Variants in DPP6 observed in about 807,000 individuals in gnomAD.
DPP6 encodes dipeptidyl peptidase like 6.
A neutral mutation model predicts 122.6 loss-of-function variants in DPP6; 69 were observed. That is an observed-to-expected ratio of 0.56 (90% confidence interval 0.46 to 0.69). The LOEUF (loss-of-function observed/expected upper bound fraction) is 0.69, where lower values mean the gene tolerates loss of function less well. DPP6 is among the 30% of genes least tolerant of loss of function. DPP6 has a pLI of 0.00. For missense variants in DPP6, 928 were observed against 1,116.9 expected, an observed-to-expected ratio of 0.83 and a Z score of 2.41; for synonymous variants, 418 against 433.1, an observed-to-expected ratio of 0.97 and a Z score of 0.43.
At chr7:154,756,199 G>T (rs1380578783) in intron 8 of DPP6, among the ~76,000 whole-genome samples, 2 of 152,118 alleles carry the variant, frequency 1.3e-5, no homozygotes, top group East Asian at 3.9e-4. Flanking sequence ...GTCAGTAGAA[G>T]CCCTGAGATG....
chr7:154,740,673 T>C (rs530489312), intron 8 of DPP6, among the ~76,000 whole-genome samples: 2 of 152,106 alleles, frequency 1.3e-5, no homozygotes, highest in South Asian at 4.1e-4. Context: ...CACAAGGAAA[T>C]AGTTAACAAT....
Position 154,875,118 on chromosome 7 carries a change from GAAGAA to G in DPP6, c.1884-776_1884-772del, listed in dbSNP as rs1165358623. On this transcript the variant is annotated intron_variant, in intron 19 of 25. Coordinates refer to ENST00000377770, the MANE Select transcript of DPP6 (RefSeq NM_130797.4). This position sits in a 1 kb window ranked among gnomAD's most constrained non-coding sequence, Gnocchi z 4.5. Reference sequence around the variant, plus strand: ...CTGTCTCAAACAAAAGAAAAAAAAAGAAGAAAAGAAAAGAAAGAGAGAGAGAGAAG... The same window carrying G: ...CTGTCTCAAACAAAAGAAAAAAAAAGAAGAAAAGAAAGAGAGAGAGAGAAG... Among the ~76,000 whole-genome samples the G allele has an allele frequency of 1.0e-4, 15 of 146,918 alleles. No homozygotes were observed. The highest frequency in any genetic ancestry group is 2.2e-4 in the African/African-American group (9 of 40,034).
intron 1 of DPP6, among the ~76,000 whole-genome samples, chr7:153,960,408 G>T (rs531630652): frequency 6.6e-6 from 1 of 152,134 alleles, no homozygotes; most frequent in South Asian, 2.1e-4. Flanking sequence ...CTTAATAGCC[G>T]CACCCCAAGT....
chr7:153,986,021 A>G (rs1563075988), intron 1 of DPP6, among the ~76,000 whole-genome samples: 1 of 152,196 alleles, frequency 6.6e-6, no homozygotes, highest in South Asian at 2.1e-4. Context: ...CAGAGAGAGA[A>G]AGGGAGAAAA....
the DPP6 span, among the ~76,000 whole-genome samples, chr7:153,805,262 A>G: frequency 2.4e-4 from 36 of 152,342 alleles, 1 homozygote; most frequent in South Asian, 6.6e-3. Context: ...TTGATAAAAT[A>G]TAGTATATGA....
chr7:154,691,107 T>C (rs760547009), intron 7 of DPP6, among the ~76,000 whole-genome samples: 38 of 152,220 alleles, frequency 2.5e-4, no homozygotes, highest in Non-Finnish European at 4.7e-4. Context: ...TTGCTGGAAC[T>C]GTTTTTCTCC....
Position 154,060,466 on chromosome 7 carries a change from G to A in DPP6, c.243+7403G>A, listed in dbSNP as rs1202147576. 1.5e-4 allele frequency among the ~76,000 whole-genome samples: 21 copies of A among 138,834 alleles called. 2 individuals are homozygous for A. The highest frequency in any genetic ancestry group is 1.0e-3 in the Admixed American group (15 of 14,388). 91.1% of individuals were successfully genotyped at this position (138,834 alleles called of 152,430 possible). On this transcript the variant is annotated intron_variant, in intron 1 of 25. Transcript: ENST00000377770. ...GCGAGCCAGACCCTCTTCCCCCTCT[G>A]GCTTAGGACCTCCATCGTTGATCCT...
chr7:153,869,409 G>A, the DPP6 span, among the ~76,000 whole-genome samples: 3 of 152,114 alleles, frequency 2.0e-5, no homozygotes, highest in Non-Finnish European at 4.4e-5. Flanking sequence ...TTATGTAATG[G>A]CCTTGTTTGT....
intron 1 of DPP6, among the ~76,000 whole-genome samples, chr7:154,012,802 C>T (rs1472592852): frequency 6.6e-6 from 1 of 152,100 alleles, no homozygotes; most frequent in Non-Finnish European, 1.5e-5. Context: ...TTTTATGTGT[C>T]TAATAACTTT....
chr7:154,644,920 A>G (rs1258077785), intron 6 of DPP6, among the ~76,000 whole-genome samples: 4 of 152,052 alleles, frequency 2.6e-5, no homozygotes, highest in African/African-American at 9.7e-5. Flanking sequence ...TGTCTTGCTC[A>G]GGGTAGTCTC....
the DPP6 span, among the ~76,000 whole-genome samples, chr7:153,864,216 G>T: frequency 1.9e-4 from 29 of 152,224 alleles, no homozygotes; most frequent in African/African-American, 6.0e-4. Context: ...GTATGGGTTC[G>T]AATTTCTCCA....
intron 1 of DPP6, among the ~76,000 whole-genome samples, chr7:154,061,852 G>T (rs1274932040): frequency 1.6e-5 from 2 of 124,282 alleles, no homozygotes; most frequent in Admixed American, 7.9e-5. Flanking sequence ...GATCCCCATC[G>T]CTGGGGGCGG....
chr7:153,971,950 C>A (rs1043417177), intron 1 of DPP6, among the ~76,000 whole-genome samples: 9 of 147,848 alleles, frequency 6.1e-5, no homozygotes, highest in African/African-American at 2.3e-4. Context: ...GAGCTGGGGC[C>A]CTCGTAAGCT....
At position 154,760,979 on chromosome 7, in the gene DPP6, C is replaced by T. The variant is rs141434389; in HGVS notation, c.884-8438C>T. ...CCTCCCGGATAGCTGGGACTACAGG[C>T]GCCTGCCACCATGCCCGGCTAATTT... On this transcript the variant is annotated intron_variant, in intron 8 of 25. Coordinates refer to ENST00000377770, the MANE Select transcript of DPP6 (RefSeq NM_130797.4). This position sits in a 1 kb window ranked among gnomAD's most constrained non-coding sequence, Gnocchi z 4.5. Among the ~76,000 whole-genome samples, 182 of 151,972 alleles carry T rather than the reference C, an allele frequency of 1.2e-3. No individual in the cohort carries two copies. The highest frequency in any genetic ancestry group is 2.0e-3 in the Admixed American group (31 of 15,266).
the DPP6 span, among the ~76,000 whole-genome samples, chr7:153,799,849 C>T: frequency 6.6e-6 from 1 of 152,086 alleles, no homozygotes; most frequent in Non-Finnish European, 1.5e-5. Flanking sequence ...CTGTATGAAA[C>T]AGATCAAAAG....
chr7:154,258,231 G>C (rs2150908991), intron 1 of DPP6, among the ~76,000 whole-genome samples: 1 of 152,244 alleles, frequency 6.6e-6, no homozygotes, highest in South Asian at 2.1e-4. Context: ...GACTCTTCCA[G>C]ATTCTAAGTA....
intron 1 of DPP6, among the ~76,000 whole-genome samples, chr7:154,273,336 C>T (rs550370652): frequency 2.0e-5 from 3 of 152,298 alleles, no homozygotes; most frequent in South Asian, 4.1e-4. Context: ...ACCACAGGCA[C>T]ACATCCCCTA....
rs1259353381 is a variant in DPP6 at position 154,875,208 on chromosome 7, A to G, written c.1884-698A>G. Among the ~76,000 whole-genome samples the G allele has an allele frequency of 3.3e-5, 5 of 152,258 alleles. No homozygotes were observed. In the South Asian group the frequency reaches 6.2e-4, roughly 19 times the overall value. On this transcript the variant is annotated intron_variant, in intron 19 of 25. Transcript: ENST00000377770. This position sits in a 1 kb window ranked among gnomAD's most constrained non-coding sequence, Gnocchi z 4.5. ...AACAGCCCTGTTTGAGGAAAAAGAA[A>G]ACAGCCCTGTTTGTGGCACTGGTCG... is the stretch of plus-strand genomic sequence containing the variant.
the DPP6 span, among the ~76,000 whole-genome samples, chr7:153,869,389 C>T: frequency 2.0e-5 from 3 of 152,200 alleles, no homozygotes; most frequent in Non-Finnish European, 2.9e-5. Flanking sequence ...TTGAATTAAT[C>T]CCCTCACCAT....
Sources: gnomAD v4.1 joint callset for allele counts (sites outside exome capture counted in the v4.1 genomes callset) on GRCh38, gnomAD v4.1.1 for gene constraint, Gnocchi (gnomAD v3.1) non-coding constraint, MANE v1.5 for transcripts, NCBI Gene and HGNC (gene_info 2026-07-23, HGNC 2026-07-21) for gene names.